The following NRG2 variants were observed in gnomAD, a reference collection of about 807,000 sequenced individuals.
NRG2 encodes the protein neuregulin 2, also known as pro-neuregulin-2, membrane-bound isoform.
In NRG2, 27 loss-of-function variants were observed where a neutral mutation model predicts 73.9. The observed-to-expected ratio is 0.37, with a 90% CI of 0.27 to 0.50. The LOEUF is 0.50. Among genes scored for constraint, NRG2 ranks in the 20% least tolerant of loss-of-function variants. The pLI is 0.96. For synonymous variants in NRG2, 532 were observed against 541.0 expected, an observed-to-expected ratio of 0.98 and a Z score of 0.23; for missense variants, 1,126 against 1,210.1, an observed-to-expected ratio of 0.93 and a Z score of 1.03.
chr5:140,006,428 C>T (rs977777970), intron 1 of NRG2, among the ~76,000 whole-genome samples: 1 of 152,110 alleles, frequency 6.6e-6, no homozygotes, highest in African/African-American at 2.4e-5. Context: ...ATCCTTTCAC[C>T]CCAAAATTCC....
In NRG2 at chr5:140,042,409, G is replaced by A. The variant is rs749819831; in HGVS notation, c.661C>T (p.Leu221Phe). ...AGGATCTTGCCCACCTCTTTCTTGA[G>A]ATTTTTGCCGTTGGTATCGAGGGGG... The part of the protein sequence containing the change: ...FAPLDTNGKN[L>F]KKEVGKILCT... Residue 221 changes from leucine (L) to phenylalanine (F), a missense_variant, in exon 1 of 10, where the codon CTC (leucine) becomes TTC (phenylalanine). By Grantham distance (22) the Leu-to-Phe change is conservative. Coordinates refer to ENST00000361474, the MANE Select transcript of NRG2 (RefSeq NM_004883.3). 9.4e-5 allele frequency: 151 copies of A among 1,600,532 alleles called. No individual in the cohort carries two copies. The highest frequency in any genetic ancestry group is 1.7e-4 in the Middle Eastern group (1 of 6,000).
intron 1 of NRG2, among the ~76,000 whole-genome samples, chr5:140,026,331 T>C (rs1760686177): frequency 6.6e-6 from 1 of 152,200 alleles, no homozygotes; most frequent in South Asian, 2.1e-4. Flanking sequence ...GAAGAGATAA[T>C]TACTCTGTTT....
At chr5:139,939,237 TTCC>T (rs57743698) in intron 1 of NRG2, among the ~76,000 whole-genome samples, 1 of 143,360 alleles carries the variant, frequency 7.0e-6, no homozygotes, top group East Asian at 2.0e-4. Context: ...CCTTCCTTCC[TTCC>T]TTCCTTTCTT....
intron 5 of NRG2, among the ~76,000 whole-genome samples, chr5:139,858,477 C>A (rs1288320309): frequency 2.6e-5 from 4 of 152,246 alleles, no homozygotes; most frequent in African/African-American, 7.2e-5. Context: ...CTGAACACCA[C>A]CTGATGTCTT....
At chr5:139,884,604 G>C (rs1763744524) in intron 2 of NRG2, among the ~76,000 whole-genome samples, 2 of 152,186 alleles carry the variant, frequency 1.3e-5, no homozygotes, top group Non-Finnish European at 2.9e-5. Context: ...TGGACCTCTA[G>C]AATTACAAAC....
At chr5:140,011,482 T>C (rs1384107227) in intron 1 of NRG2, among the ~76,000 whole-genome samples, 1 of 152,152 alleles carries the variant, frequency 6.6e-6, no homozygotes, top group Non-Finnish European at 1.5e-5. Context: ...AGTTCTGTGG[T>C]TGGGTTACTA....
chr5:140,023,901 T>C (rs1205123637), intron 1 of NRG2, among the ~76,000 whole-genome samples: 1 of 152,130 alleles, frequency 6.6e-6, no homozygotes, highest in Admixed American at 6.5e-5. Context: ...TTCTCGGGAA[T>C]ATCAAAGAGA....
intron 5 of NRG2, among the ~76,000 whole-genome samples, chr5:139,863,857 C>T (rs142837908): frequency 2.1e-3 from 318 of 152,326 alleles, no homozygotes; most frequent in African/African-American, 6.9e-3. Context: ...CCAAGCAGCT[C>T]CCATCCCCCA....
chr5:139,970,556 A>T (rs1050928776), intron 1 of NRG2, among the ~76,000 whole-genome samples: 1 of 152,166 alleles, frequency 6.6e-6, no homozygotes, highest in African/African-American at 2.4e-5. Context: ...CACCACTCCC[A>T]CCAACATCCT....
chr5:139,858,077 C>T (rs1761916642), intron 5 of NRG2, among the ~76,000 whole-genome samples: 1 of 152,192 alleles, frequency 6.6e-6, no homozygotes, highest in Admixed American at 6.5e-5. Context: ...ATTTTACTCC[C>T]CTGTTTAGAA....
chr5:139,872,559 C>T (rs954799771), intron 3 of NRG2, among the ~76,000 whole-genome samples: 2 of 152,120 alleles, frequency 1.3e-5, no homozygotes, highest in Non-Finnish European at 2.9e-5. Context: ...TCAGCTGTTG[C>T]CCCTAGAGGG....
At chr5:139,890,659 C>G (rs1764161767) in intron 1 of NRG2, among the ~76,000 whole-genome samples, 1 of 152,044 alleles carries the variant, frequency 6.6e-6, no homozygotes, top group Non-Finnish European at 1.5e-5. Context: ...AGGTCTTAAC[C>G]CTGGATGCTA....
chr5:139,984,714 C>A (rs1757041514), intron 1 of NRG2, among the ~76,000 whole-genome samples: 1 of 152,144 alleles, frequency 6.6e-6, no homozygotes, highest in Non-Finnish European at 1.5e-5. Flanking sequence ...GTATTTAGGT[C>A]AGGGGAAGTT....
Position 140,042,398 on chromosome 5 carries a change from C to T in NRG2, c.672G>A (p.Glu224=), listed in dbSNP as rs756614227. ...AGTCAGTGCACAGGATCTTGCCCAC[C>T]TCTTTCTTGAGATTTTTGCCGTTGG... is the stretch of plus-strand genomic sequence containing the variant. ...LDTNGKNLKK[E]VGKILCTDCA... is the part of the protein sequence containing the mutation. Residue 224 remains glutamate, a synonymous_variant, in exon 1 of 10, where the codon GAG becomes GAA. Transcript: ENST00000361474. 1 of 1,594,158 alleles carries T rather than the reference C, an allele frequency of 6.3e-7. No homozygotes were observed. Among genetic ancestry groups the T allele is most frequent in the Admixed American group, 1.7e-5 (1 of 57,358 alleles).
chr5:139,929,113 G>C (rs1293550536), intron 1 of NRG2, among the ~76,000 whole-genome samples: 2 of 152,086 alleles, frequency 1.3e-5, no homozygotes, highest in African/African-American at 4.8e-5. Flanking sequence ...TGAGCTCTTG[G>C]TCAACTCTCA....
intron 1 of NRG2, among the ~76,000 whole-genome samples, chr5:139,985,739 GC>G (rs1757126476): frequency 6.6e-6 from 1 of 152,158 alleles, no homozygotes; most frequent in Non-Finnish European, 1.5e-5. Context: ...TGAAAGCCAA[GC>G]CCCCTCTCCT....
At chr5:139,910,030 G>C (rs1765477590) in intron 1 of NRG2, among the ~76,000 whole-genome samples, 1 of 152,234 alleles carries the variant, frequency 6.6e-6, no homozygotes, top group East Asian at 1.9e-4. Context: ...CAGAAAGAAG[G>C]GGGCTGTATC....
intron 1 of NRG2, among the ~76,000 whole-genome samples, chr5:139,944,385 A>G (rs1157880924): frequency 6.6e-6 from 1 of 152,146 alleles, no homozygotes; most frequent in Non-Finnish European, 1.5e-5. Context: ...GTATCCTTTT[A>G]AAAATCTCTG....
chr5:140,025,499 G>A (rs558699066), intron 1 of NRG2, among the ~76,000 whole-genome samples: 1 of 152,112 alleles, frequency 6.6e-6, no homozygotes, highest in East Asian at 1.9e-4. Context: ...GAAGTTGATC[G>A]AGATACAGTA....
Sources: gnomAD v4.1 joint callset for allele counts (sites outside exome capture counted in the v4.1 genomes callset) on GRCh38, gnomAD v4.1.1 for gene constraint, MANE v1.5 for transcripts, NCBI Gene and HGNC (gene_info 2026-07-23, HGNC 2026-07-21) for gene names.